The following LLGL1 variants were observed in gnomAD, a reference collection of about 807,000 sequenced individuals.
LLGL1 encodes lethal(2) giant larvae protein homolog 1.
In LLGL1, 58 loss-of-function variants were observed where a neutral mutation model predicts 110.6. That is an observed-to-expected ratio of 0.52 (90% CI 0.42 to 0.65). The LOEUF (loss-of-function observed/expected upper bound fraction) is 0.65, where lower values mean the gene tolerates loss of function less well. Ranked by LOEUF, LLGL1 falls within the 30% of genes least tolerant of loss-of-function variation. The pLI is 0.00. For missense variants in LLGL1, 1,229 were observed against 1,462.1 expected (o/e 0.84, Z 2.60); for synonymous variants, 674 against 607.2 (o/e 1.11, Z -1.62).
Position 18,242,636 on chromosome 17 carries a change from T to C in LLGL1, c.3116+8T>C. The C allele has an allele frequency of 6.2e-7, 1 of 1,603,464 alleles. No homozygotes were observed. The highest frequency in any genetic ancestry group is 8.5e-7 in the Non-Finnish European group (1 of 1,174,776). On this transcript the variant is annotated splice_region_variant and intron_variant, in intron 21 of 22. Coordinates refer to ENST00000316843, the MANE Select transcript of LLGL1 (RefSeq NM_004140.4). ...TGTGAAGGATTTCCTGGGGTGAGGC[T>C]GGTGGGCAGGTCCACAGGGGGGGCT... is the stretch of plus-strand genomic sequence containing the variant.
In LLGL1 at chr17:18,242,753, G is replaced by T; in HGVS notation, c.3127G>T (p.Glu1043Ter). 6.4e-7 allele frequency: 1 copy of T among 1,569,220 alleles called. No homozygotes were observed. The change falls in exon 22 of 23, where the codon GAG becomes TAG. Residue 1043 changes from glutamate to a stop codon, truncating the protein, a stop_gained. Transcript: ENST00000316843. LOFTEE classifies it high-confidence loss of function. The stretch of plus-strand genomic sequence containing the variant: ...ATCCCCATCTCGCAGCTCCTCTGAG[G>T]AGTCAGAGAAGAACCTGAGGAACCT... ...DVKDFLGSSE[E>*]SEKNLRNLAE...
rs116914192 is a variant in LLGL1 at position 18,237,812 on chromosome 17, A to G, written c.1904+39A>G. 143 of 1,571,342 alleles carry G rather than the reference A, an allele frequency of 9.1e-5. No individual in the cohort carries two copies. In the East Asian group the frequency reaches 2.5e-3, roughly 28 times the overall value. ...GGCCGGCTGGGCAGTTGGAGCCCCC[A>G]GCGAGATGGGGTCTGGGCTTCCGTT... On this transcript the variant is annotated intron_variant, in intron 14 of 22. Coordinates refer to ENST00000316843, the MANE Select transcript of LLGL1 (RefSeq NM_004140.4).
Position 18,242,249 on chromosome 17 carries a change from G to T in LLGL1, c.2966G>T (p.Ser989Ile). The T allele has an allele frequency of 6.2e-7, 1 of 1,614,088 alleles. No homozygotes were observed. The highest frequency in any genetic ancestry group is 8.5e-7 in the Non-Finnish European group (1 of 1,179,982). ...CTGGCCCCACAGAGCCTTGATGGAA[G>T]CCCTGATCCAGCCCACAGCATGGGA... ...ILLAPQSLDG[S>I]PDPAHSMGPD... Residue 989 changes from serine to isoleucine, a missense_variant, in exon 20 of 23, where the codon AGC becomes ATC. Physicochemically the swap from Ser to Ile is moderately radical, Grantham distance 142. Coordinates refer to ENST00000316843, the MANE Select transcript of LLGL1 (RefSeq NM_004140.4).
At position 18,241,678 on chromosome 17, in the gene LLGL1, C is replaced by A. The variant is rs752194023; in HGVS notation, c.2730C>A (p.Ser910Arg). Residue 910 changes from serine (S) to arginine (R), a missense_variant, in exon 18 of 23, where the codon AGC becomes AGA. Transcript: ENST00000316843. ...HYSCIRKEDI[S>R]GIASCVFTRH... ...CCTGCATCCGGAAGGAGGACATCAG[C>A]GGCATCGCTTCGTGCGTCTTTACGC... The A allele has an allele frequency of 1.9e-6, 3 of 1,613,508 alleles. No individual in the cohort carries two copies. Among genetic ancestry groups the A allele is most frequent in the Non-Finnish European group, 2.5e-6 (3 of 1,180,014 alleles).
intron 4 of LLGL1, 28 bp from the exon 5 acceptor site, chr17:18,233,750 C>T (rs1424514432): frequency 4.9e-5 from 78 of 1,597,498 alleles, no homozygotes; most frequent in Non-Finnish European, 6.5e-5. Flanking sequence ...GGCTTGTACC[C>T]TCACTCCCTT....
intron 17 of LLGL1, 81 bp from the exon 18 acceptor site, chr17:18,241,370 T>G: frequency 6.6e-7 from 1 of 1,513,448 alleles, no homozygotes; most frequent in Non-Finnish European, 8.9e-7. Flanking sequence ...TGGGGGCTGT[T>G]GGGTCAGCAG....
chr17:18,235,674 G>T (rs1385479760), intron 11 of LLGL1, 137 bp downstream of exon 11: 2 of 818,992 alleles, frequency 2.4e-6, no homozygotes, highest in Non-Finnish European at 1.9e-6. Flanking sequence ...CCTTGCCCAA[G>T]GTGGTTTGGA....
chr17:18,244,735 C>CG lies in LLGL1; in HGVS notation c.*829_*830insG, dbSNP rs1567700274. The CG allele has an allele frequency of 4.4e-3, 17 of 3,822 alleles. 2 individuals carry two copies. Among genetic ancestry groups the CG allele is most frequent in the Non-Finnish European group, 6.2e-3 (13 of 2,096 alleles). The allele number at this position is 3,822 out of a possible 1,614,324, so 0.2% of individuals were successfully genotyped here. A position where few individuals can be genotyped will look rare whatever the true frequency, so the allele number is the denominator to read the frequency against. The stretch of plus-strand genomic sequence containing the variant: ...GTGTGTGTCCGGCGGGGGGGGGGGG[C>CG]AGGGGGGGGGGTCAAGATGAGTTTC... On this transcript the variant is annotated 3_prime_UTR_variant, in exon 23 of 23. Coordinates refer to ENST00000316843, the MANE Select transcript of LLGL1 (RefSeq NM_004140.4).
Position 18,234,110 on chromosome 17 carries a change from C to A in LLGL1, c.649C>A (p.Arg217=). 1 of 1,611,986 alleles carries A rather than the reference C, an allele frequency of 6.2e-7. No homozygotes were observed. ...DPTKILIGYS[R]GLLVIWNQAS... is the part of the protein sequence containing the mutation. ...CACAAAGATTCTCATTGGCTACAGC[C>A]GGGGCCTGCTGGTCATCTGGAACCA... The change falls in exon 6 of 23, where the codon CGG becomes AGG. Residue 217 remains arginine, a synonymous_variant. Coordinates refer to ENST00000316843, the MANE Select transcript of LLGL1 (RefSeq NM_004140.4).
At position 18,225,687 on chromosome 17, in the gene LLGL1, T is replaced by C; in HGVS notation, c.5T>C (p.Met2Thr). The change falls in exon 1 of 23, where the codon ATG (methionine) becomes ACG (threonine). Residue 2 changes from methionine (M) to threonine (T), a missense_variant. Met to Thr is a moderately conservative substitution (Grantham distance 81, BLOSUM62 -1). Transcript: ENST00000316843. MMKFRFRRQGAD... is the reference protein window; with the variant it reads MTKFRFRRQGAD... Reference sequence around the variant, plus strand: ...GCGCCTGCAGCCGGGCGCAAGATGATGAAGTTTCGGTTCCGGCGGCAGGGC... The same window carrying C: ...GCGCCTGCAGCCGGGCGCAAGATGACGAAGTTTCGGTTCCGGCGGCAGGGC... 2 of 1,035,574 alleles carry C rather than the reference T, an allele frequency of 1.9e-6. No homozygotes were observed. Among genetic ancestry groups the C allele is most frequent in the Non-Finnish European group, 2.3e-6 (2 of 855,228 alleles). The allele number at this position is 1,035,574 out of a possible 1,614,324, so 64.1% of individuals were successfully genotyped here. A position where few individuals can be genotyped will look rare whatever the true frequency, so the allele number is the denominator to read the frequency against.
At chr17:18,232,015 C>T (rs895845327) in intron 2 of LLGL1, among the ~76,000 whole-genome samples, 5 of 152,210 alleles carry the variant, frequency 3.3e-5, no homozygotes, top group African/African-American at 1.2e-4. Context: ...GAAAAGGCAG[C>T]CTGGACTCTT....
rs999582191 is a variant in LLGL1 at position 18,242,056 on chromosome 17, C to G, written c.2882+57C>G. The G allele has an allele frequency of 1.6e-5, 25 of 1,553,784 alleles. No homozygotes were observed. The African/African-American group carries it at 2.9e-4, about 18-fold the overall frequency. ...ACCTGTGCCCAGGGCCAGGTCTCAT[C>G]CCACCCCCGAGATCTGCCTTCCCTG... On this transcript the variant is annotated intron_variant, in intron 19 of 22. Transcript: ENST00000316843.
Position 18,235,388 on chromosome 17 carries a change from G to A in LLGL1, c.1284+76G>A, listed in dbSNP as rs565817492. 15 of 1,605,594 alleles carry A rather than the reference G, an allele frequency of 9.3e-6. No homozygotes were observed. In the South Asian group the frequency reaches 1.5e-4, roughly 16 times the overall value. ...GAGAGTTTCAGTTCTAAGCCCGGAG[G>A]TCAGAATGTGCCATACTCGGGGTGA... On this transcript the variant is annotated intron_variant, in intron 10 of 22. Transcript: ENST00000316843.
chr17:18,237,994 A>G (rs940095498), intron 14 of LLGL1, 73 bp from the exon 15 acceptor site: 1 of 1,552,062 alleles, frequency 6.4e-7, no homozygotes, highest in Non-Finnish European at 8.8e-7. Context: ...GGGTGCCTCC[A>G]CAGGCCAGCA....
rs747078613 is a variant in LLGL1 at position 18,237,788 on chromosome 17, G to C, written c.1904+15G>C. ...GTGCTGGCCAGGTGTGTGGGGTGGG[G>C]CCGGCTGGGCAGTTGGAGCCCCCAG... On this transcript the variant is annotated intron_variant, in intron 14 of 22. Transcript: ENST00000316843. 6.3e-7 allele frequency: 1 copy of C among 1,588,706 alleles called. No homozygotes were observed.
chr17:18,234,180 G>A lies in LLGL1; in HGVS notation c.714+5G>A. 1 of 1,600,834 alleles carries A rather than the reference G, an allele frequency of 6.2e-7. No individual in the cohort carries two copies. The highest frequency in any genetic ancestry group is 8.5e-7 in the Non-Finnish European group (1 of 1,171,362). ...CACATCTTCCTGGGGAACCAGGTAT[G>A]TAGGTGAGGCCTGTGTCCCCTCAGC... On this transcript the variant is annotated splice_donor_5th_base_variant and intron_variant, in intron 6 of 22. Transcript: ENST00000316843.
rs1473775712 is a variant in LLGL1 at position 18,238,062 on chromosome 17, C to T, written c.1905-5C>T. On this transcript the variant is annotated splice_region_variant and splice_polypyrimidine_tract_variant and intron_variant, in intron 14 of 22. Coordinates refer to ENST00000316843, the MANE Select transcript of LLGL1 (RefSeq NM_004140.4). ...ATAGCACGACTGGACCCTGTCTTCC[C>T]CCAGGTGCACTCTTCACCCCAATGA... is the stretch of plus-strand genomic sequence containing the variant. 1.9e-6 allele frequency: 3 copies of T among 1,613,450 alleles called. No individual in the cohort carries two copies. Among genetic ancestry groups the T allele is most frequent in the Admixed American group, 1.7e-5 (1 of 59,980 alleles).
intron 16 of LLGL1, among the ~76,000 whole-genome samples, chr17:18,239,820 T>A (rs2047785423): frequency 6.6e-6 from 1 of 152,068 alleles, no homozygotes; most frequent in Non-Finnish European, 1.5e-5. Context: ...CTTGTTCCAC[T>A]GGCCCGAGAA....
At chr17:18,238,327 T>G (rs767449734) in intron 15 of LLGL1, 113 bp downstream of exon 15, 14 of 1,574,122 alleles carry the variant, frequency 8.9e-6, no homozygotes, top group Non-Finnish European at 1.1e-5. Flanking sequence ...CGGCAGCCCC[T>G]GGGCCCTCCA....
Sources: gnomAD v4.1 joint callset for allele counts (sites outside exome capture counted in the v4.1 genomes callset) on GRCh38, gnomAD v4.1.1 for gene constraint, MANE v1.5 for transcripts, NCBI Gene and HGNC (gene_info 2026-07-23, HGNC 2026-07-21) for gene names.